OR3A2: variants seen among roughly 807,000 people sequenced by gnomAD.
The protein encoded by OR3A2 is olfactory receptor 3A2.
For synonymous variants in OR3A2, 126 were observed against 159.3 expected (o/e 0.79, Z 1.57); for missense variants, 318 against 392.8 (o/e 0.81, Z 1.61).
intron 2 of OR3A2, among the ~76,000 whole-genome samples, chr17:3,366,279 G>A (rs191467651): frequency 6.6e-6 from 1 of 152,268 alleles, no homozygotes; most frequent in Admixed American, 6.5e-5. Context: ...ATTAATCTGT[G>A]TTGTTCCAGC....
At chr17:3,385,833 C>T (rs2049772721) in intron 1 of OR3A2, 2 of 398,292 alleles carry the variant, frequency 5.0e-6, no homozygotes, top group East Asian at 3.6e-5. Flanking sequence ...AAATGTATAT[C>T]TGGAACCTCA....
At chr17:3,339,398 T>G (rs1326779057) in intron 2 of OR3A2, among the ~76,000 whole-genome samples, 2 of 152,222 alleles carry the variant, frequency 1.3e-5, no homozygotes, top group East Asian at 3.8e-4. Context: ...TGATACTGGC[T>G]GTGGGTTTAT....
intron 2 of OR3A2, among the ~76,000 whole-genome samples, chr17:3,367,669 TC>T (rs1255202460): frequency 6.7e-6 from 1 of 150,330 alleles, no homozygotes; most frequent in African/African-American, 2.5e-5. Flanking sequence ...TTAGATTGGT[TC>T]CATATTTTTG....
rs1324960130 is a variant in OR3A2, at chr17:3,311,130, GA to G, written c.-85+24902del. 1 of 541,066 alleles carries G rather than the reference GA, an allele frequency of 1.8e-6. No homozygotes were observed. The highest frequency in any genetic ancestry group is 3.8e-6 in the Non-Finnish European group (1 of 264,258). 33.5% of individuals were successfully genotyped at this position (541,066 alleles called of 1,614,324 possible). On this transcript the variant is annotated intron_variant, in intron 3 of 4. Transcript: ENST00000573491. This position sits in a 1 kb window ranked among gnomAD's most constrained non-coding sequence, Gnocchi z 4.6. Reference sequence around the variant, plus strand: ...GGGTTCAGTGGAGTCTTCGGACAAGGACAAGGGCATTGGCATCCTCAACACT... The same window carrying G: ...GGGTTCAGTGGAGTCTTCGGACAAGGCAAGGGCATTGGCATCCTCAACACT...
intron 3 of OR3A2, among the ~76,000 whole-genome samples, chr17:3,312,189 C>T (rs541119344): frequency 6.6e-5 from 10 of 151,932 alleles, no homozygotes; most frequent in South Asian, 2.1e-4. Context: ...GGTCAGGTAG[C>T]GGGAGACAAA....
At chr17:3,313,599 C>T (rs2049060256) in intron 3 of OR3A2, among the ~76,000 whole-genome samples, 1 of 152,258 alleles carries the variant, frequency 6.6e-6, no homozygotes, top group South Asian at 2.1e-4. Flanking sequence ...ATCATTCCTT[C>T]CTGGCTTCTC....
At chr17:3,371,502 G>A (rs376679050) in intron 2 of OR3A2, among the ~76,000 whole-genome samples, 1,704 of 143,356 alleles carry the variant, frequency 0.012, 14 homozygotes, top group Non-Finnish European at 0.019. Context: ...CGGATGGGGC[G>A]GCTGGCCGGG....
intron 2 of OR3A2, among the ~76,000 whole-genome samples, chr17:3,341,407 T>G (rs1165911417): frequency 6.6e-6 from 1 of 152,184 alleles, no homozygotes; most frequent in African/African-American, 2.4e-5. Context: ...AGTACCGGTT[T>G]TTCCTTTCCA....
At chr17:3,280,721 G>A (rs558956040) in intron 1 of OR3A2, among the ~76,000 whole-genome samples, 37 of 152,320 alleles carry the variant, frequency 2.4e-4, no homozygotes, top group Admixed American at 1.2e-3. Context: ...CAGCTGGAGG[G>A]GAACAGTGAT....
intron 2 of OR3A2, among the ~76,000 whole-genome samples, chr17:3,368,985 A>AT (rs1376379190): frequency 2.0e-5 from 3 of 152,064 alleles, no homozygotes; most frequent in African/African-American, 7.2e-5. Flanking sequence ...GTATACATAT[A>AT]TTTTTTGTAG....
chr17:3,363,374 A>C (rs1380411108), intron 2 of OR3A2, among the ~76,000 whole-genome samples: 1 of 151,820 alleles, frequency 6.6e-6, no homozygotes, highest in Non-Finnish European at 1.5e-5. Flanking sequence ...ACAGATTTCT[A>C]GGGCAGGAGC....
chr17:3,297,056 T>C (rs148105873), intron 3 of OR3A2, among the ~76,000 whole-genome samples: 1 of 152,336 alleles, frequency 6.6e-6, no homozygotes, highest in Non-Finnish European at 1.5e-5. Flanking sequence ...GTTCATTTTA[T>C]ATCTGCAATT....
chr17:3,361,028 T>C (rs567397215), intron 2 of OR3A2, among the ~76,000 whole-genome samples: 2,685 of 151,596 alleles, frequency 0.018, 178 homozygotes, highest in African/African-American at 0.062. Context: ...ATTTTCACGA[T>C]ATTGATTCTT....
chr17:3,290,155 AGTAG>A (rs1468242337), intron 3 of OR3A2, among the ~76,000 whole-genome samples: 2 of 152,186 alleles, frequency 1.3e-5, no homozygotes, highest in Non-Finnish European at 2.9e-5. Context: ...CTTCCTTCTT[AGTAG>A]AGAAGACGGA....
At chr17:3,362,413 C>A (rs568092619) in intron 2 of OR3A2, among the ~76,000 whole-genome samples, 17 of 151,704 alleles carry the variant, frequency 1.1e-4, no homozygotes, top group Non-Finnish European at 2.1e-4. Flanking sequence ...GTGTCTCTAT[C>A]TCCTTCTGTT....
chr17:3,334,259 T>C (rs949348137), intron 3 of OR3A2, among the ~76,000 whole-genome samples: 16 of 152,130 alleles, frequency 1.1e-4, no homozygotes, highest in African/African-American at 7.2e-5. Flanking sequence ...TACAATTCAG[T>C]GGTAACATTT....
chr17:3,346,562 G>T (rs1275697476), intron 2 of OR3A2, among the ~76,000 whole-genome samples: 2 of 151,860 alleles, frequency 1.3e-5, no homozygotes, highest in Admixed American at 1.3e-4. Flanking sequence ...TACTATTTCA[G>T]TTATTTCAAA....
At chr17:3,351,565 C>T (rs537656444) in intron 2 of OR3A2, among the ~76,000 whole-genome samples, 2,782 of 124,724 alleles carry the variant, frequency 0.022, 76 homozygotes, top group South Asian at 0.065. Context: ...ATTCCATGCT[C>T]ATGGGTAGGA....
At chr17:3,372,919 A>AT (rs1207814733) in intron 2 of OR3A2, among the ~76,000 whole-genome samples, 1 of 139,324 alleles carries the variant, frequency 7.2e-6, no homozygotes, top group African/African-American at 2.7e-5. Flanking sequence ...GCTCTTTAGG[A>AT]TTTTTTGATG....
Sources: gnomAD v4.1 joint callset for allele counts (sites outside exome capture counted in the v4.1 genomes callset) on GRCh38, gnomAD v4.1.1 for gene constraint, Gnocchi (gnomAD v3.1) non-coding constraint, MANE v1.5 for transcripts, NCBI Gene and HGNC (gene_info 2026-07-23, HGNC 2026-07-21) for gene names.